CRYBG2: variants seen among roughly 807,000 people sequenced by gnomAD.
The protein encoded by CRYBG2 is beta/gamma crystallin domain-containing protein 2.
In CRYBG2, 106 loss-of-function variants were observed where a neutral mutation model predicts 153.4. The observed-to-expected ratio is 0.69, with a 90% CI of 0.59 to 0.81. CRYBG2 has a LOEUF of 0.81. Among genes scored for constraint, CRYBG2 ranks in the 30% least tolerant of loss-of-function variants. CRYBG2 has a pLI of 0.00. For missense variants in CRYBG2, 1,996 were observed against 2,112.0 expected (o/e 0.95, Z 1.08); for synonymous variants, 851 against 877.8 (o/e 0.97, Z 0.54).
At chr1:26,334,938 AAAAC>A (rs71581057) in intron 14 of CRYBG2, among the ~76,000 whole-genome samples, 38,138 of 151,404 alleles carry the variant, frequency 0.25, 5,090 homozygotes, top group Non-Finnish European at 0.3. Flanking sequence ...ACAAACAAAC[AAAAC>A]AAACAAACAA....
rs375176654 is a variant in CRYBG2, at chr1:26,345,615, T to C, written c.1043A>G (p.Gln348Arg). The change falls in exon 2 of 20, where the codon CAA becomes CGA. Residue 348 changes from glutamine (Q) to arginine (R), a missense_variant. Transcript: ENST00000308182. Reference protein sequence around the residue: ...TELPLQTSQGQASVPSSPRLE... With the variant: ...TELPLQTSQGRASVPSSPRLE... Reference sequence around the variant, plus strand: ...TCTGGGAGAGGAGGGGACTGATGCTTGACCCTGAGAAGTCTGGAGAGGGAG... The same window carrying C: ...TCTGGGAGAGGAGGGGACTGATGCTCGACCCTGAGAAGTCTGGAGAGGGAG... 7.7e-4 allele frequency: 1,237 copies of C among 1,599,880 alleles called. 22 individuals are homozygous for C. In the South Asian group the frequency reaches 0.011, roughly 14 times the overall value.
Position 26,344,685 on chromosome 1 carries a change from G to A in CRYBG2, c.1973C>T (p.Pro658Leu), listed in dbSNP as rs894614085. 2.0e-6 allele frequency: 3 copies of A among 1,532,806 alleles called. No homozygotes were observed. The East Asian group carries it at 7.3e-5, about 38-fold the overall frequency. 95.0% of individuals were successfully genotyped at this position (1,532,806 alleles called of 1,614,324 possible). The change falls in exon 2 of 20, where the codon CCC becomes CTC. Residue 658 changes from proline (P) to leucine (L), a missense_variant. Physicochemically the swap from Pro to Leu is moderately conservative, Grantham distance 98. Coordinates refer to ENST00000308182, the MANE Select transcript of CRYBG2 (RefSeq NM_001039775.4). ...TTGAACAGTCTCTTCCTTGGTGAGG[G>A]GCGGGGCAAGGCTGCCTGCAATACC... is the stretch of plus-strand genomic sequence containing the variant. Reference protein sequence around the residue: ...VQGIAGSLAPPLTKEETVQGP... With the variant: ...VQGIAGSLAPLLTKEETVQGP...
intron 15 of CRYBG2, among the ~76,000 whole-genome samples, chr1:26,329,981 C>T (rs372453942): frequency 5.3e-5 from 8 of 152,284 alleles, no homozygotes; most frequent in Middle Eastern, 6.8e-3. Context: ...ATGATCTGCC[C>T]GCCTTGGCTT....
chr1:26,331,575 T>C lies in CRYBG2; in HGVS notation c.4228A>G (p.Ile1410Val), dbSNP rs767061429. The change falls in exon 15 of 20, where the codon ATT (isoleucine) becomes GTT (valine). Residue 1410 changes from isoleucine to valine, a missense_variant. Coordinates refer to ENST00000308182, the MANE Select transcript of CRYBG2 (RefSeq NM_001039775.4). ...GTGGGGAACTCGCCCTCAGAGAGAA[T>C]GTGCTGGTCACCCTCGAAGTTCGTC... ...DETNFEGDQH[I>V]LSEGEFPTLT... 1 of 1,614,080 alleles carries C rather than the reference T, an allele frequency of 6.2e-7. No homozygotes were observed. Among genetic ancestry groups the C allele is most frequent in the Non-Finnish European group, 8.5e-7 (1 of 1,180,018 alleles).
Position 26,346,496 on chromosome 1 carries a change from CA to C in CRYBG2, c.161del (p.Met54SerfsTer23). The C allele has an allele frequency of 1.9e-6, 3 of 1,612,836 alleles. No individual in the cohort carries two copies. The highest frequency in any genetic ancestry group is 2.5e-6 in the Non-Finnish European group (3 of 1,179,858). On this transcript the variant is annotated frameshift_variant, in exon 2 of 20. Coordinates refer to ENST00000308182, the MANE Select transcript of CRYBG2 (RefSeq NM_001039775.4). LOFTEE classifies it high-confidence loss of function. This position sits in a 1 kb window ranked among gnomAD's most constrained non-coding sequence, Gnocchi z 4.9. The part of the protein sequence containing the change: ...GAQMEAPQKE[M>X]FEFSRREEVE... ...CTTCCTCTCGACGGCTGAACTCAAA[CA>C]TCTCCTTCTGCGGGGCTTCCATCTG...
rs1322133941 is a variant in CRYBG2 at position 26,331,578 on chromosome 1, G to GCTGGTCACC, written c.4216_4224dup (p.Gly1406_Gln1408dup). On this transcript the variant is annotated inframe_insertion, in exon 15 of 20. Transcript: ENST00000308182. ...GGGAACTCGCCCTCAGAGAGAATGT[G>GCTGGTCACC]CTGGTCACCCTCGAAGTTCGTCTCA... The GCTGGTCACC allele has an allele frequency of 6.2e-7, 1 of 1,614,094 alleles. No individual in the cohort carries two copies. The highest frequency in any genetic ancestry group is 1.7e-5 in the Admixed American group (1 of 60,032).
intron 14 of CRYBG2, among the ~76,000 whole-genome samples, chr1:26,334,653 G>C (rs1042635951): frequency 6.6e-6 from 1 of 152,082 alleles, no homozygotes; most frequent in Admixed American, 6.6e-5. Context: ...AGCCAGGCAC[G>C]GTGGCTCATG....
In CRYBG2 at chr1:26,336,651, C is replaced by A; in HGVS notation, c.3993G>T (p.Trp1331Cys). The A allele has an allele frequency of 6.4e-7, 1 of 1,552,094 alleles. No individual in the cohort carries two copies. Among genetic ancestry groups the A allele is most frequent in the Non-Finnish European group, 8.7e-7 (1 of 1,147,484 alleles). ...AGGCGAGGGTGCTGTTGCCAGCGCC[C>A]CAGTCCTCGCAGTTACGATACACGC... ...EKGVYRNCED[W>C]GAGNSTLASL... The change falls in exon 12 of 20, where the codon TGG becomes TGT. Residue 1331 changes from tryptophan to cysteine, a missense_variant. Trp to Cys is a radical substitution (Grantham distance 215). Coordinates refer to ENST00000308182, the MANE Select transcript of CRYBG2 (RefSeq NM_001039775.4). This position sits in a 1 kb window ranked among gnomAD's most constrained non-coding sequence, Gnocchi z 4.9.
intron 17 of CRYBG2, among the ~76,000 whole-genome samples, chr1:26,327,419 G>C (rs1486858699): frequency 6.6e-6 from 1 of 151,900 alleles, no homozygotes; most frequent in Non-Finnish European, 1.5e-5. Context: ...AGTGAGCCGA[G>C]ATCACGCCAT....
At position 26,343,177 on chromosome 1, in the gene CRYBG2, G is replaced by T. The variant is rs1408707632; in HGVS notation, c.2962-18C>A. 1.3e-6 allele frequency: 2 copies of T among 1,550,472 alleles called. No homozygotes were observed. Among genetic ancestry groups the T allele is most frequent in the Non-Finnish European group, 1.7e-6 (2 of 1,146,972 alleles). On this transcript the variant is annotated intron_variant, in intron 3 of 19. Transcript: ENST00000308182. The surrounding 1 kb of genome is among the most constrained non-coding windows in gnomAD (Gnocchi z 4.1). ...AAGATCACCTGAGAAGGCACAGAAG[G>T]GGTCCTCAGGCCCTGACCCCAGGCC... is the stretch of plus-strand genomic sequence containing the variant.
intron 1 of CRYBG2, among the ~76,000 whole-genome samples, chr1:26,348,570 T>C (rs1270975338): frequency 1.3e-5 from 2 of 152,130 alleles, no homozygotes; most frequent in Non-Finnish European, 2.9e-5. Context: ...TATCATTATT[T>C]TTTGAGACAG....
chr1:26,337,235 C>A lies in CRYBG2; in HGVS notation c.3771+18G>T. On this transcript the variant is annotated intron_variant, in intron 10 of 19. Coordinates refer to ENST00000308182, the MANE Select transcript of CRYBG2 (RefSeq NM_001039775.4). ...CTGTGGCCAGAGGCAGAGGGATGGGCCAATTGCCTTTGCTTACCGTCCGGA... is the reference window on the plus strand; with the variant it reads ...CTGTGGCCAGAGGCAGAGGGATGGGACAATTGCCTTTGCTTACCGTCCGGA... The A allele has an allele frequency of 6.2e-7, 1 of 1,613,538 alleles. No individual in the cohort carries two copies. The highest frequency in any genetic ancestry group is 8.5e-7 in the Non-Finnish European group (1 of 1,179,724).
At position 26,322,213 on chromosome 1, in the gene CRYBG2, C is replaced by T. The variant is rs752775261; in HGVS notation, c.4848G>A (p.Ser1616=). 14 of 1,614,186 alleles carry T rather than the reference C, an allele frequency of 8.7e-6. No homozygotes were observed. The Admixed American group carries it at 1.0e-4, about 12-fold the overall frequency. Residue 1616 remains serine, a synonymous_variant, in exon 19 of 20, where the codon TCG becomes TCA. Transcript: ENST00000308182. ...CGAACATCTGGCTGCAGATGTGGCCCGATTCACTGATGCTCCACGTCTGGC... is the reference window on the plus strand; with the variant it reads ...CGAACATCTGGCTGCAGATGTGGCCTGATTCACTGATGCTCCACGTCTGGC... ...LPRQTWSISE[S]GHICSQMFEG... is the part of the protein sequence containing the mutation.
chr1:26,337,824 A>ACTCTGAC (rs1203677516), intron 8 of CRYBG2, 150 bp from the exon 9 acceptor site: 3 of 1,315,808 alleles, frequency 2.3e-6, no homozygotes, highest in Admixed American at 4.6e-5. Flanking sequence ...TCCTATCTCT[A>ACTCTGAC]CTCTGACCTC....
Position 26,346,483 on chromosome 1 carries a change from G to C in CRYBG2, c.175C>G (p.Arg59Gly), listed in dbSNP as rs373673197. 1 of 1,611,278 alleles carries C rather than the reference G, an allele frequency of 6.2e-7. No homozygotes were observed. The highest frequency in any genetic ancestry group is 8.5e-7 in the Non-Finnish European group (1 of 1,179,810). Residue 59 changes from arginine (R) to glycine (G), a missense_variant, in exon 2 of 20, where the codon CGT becomes GGT. Physicochemically the swap from Arg to Gly is moderately radical, Grantham distance 125 (BLOSUM62 -2). Coordinates refer to ENST00000308182, the MANE Select transcript of CRYBG2 (RefSeq NM_001039775.4). The surrounding 1 kb of genome is among the most constrained non-coding windows in gnomAD (Gnocchi z 4.9). ...APQKEMFEFS[R>G]REEVEVNGFA... ...CCATTGACTTCCACTTCCTCTCGAC[G>C]GCTGAACTCAAACATCTCCTTCTGC...
At chr1:26,322,096 A>T (rs1209912042) in intron 19 of CRYBG2, 40 bp from the exon 20 acceptor site, 13 of 1,598,854 alleles carry the variant, frequency 8.1e-6, no homozygotes, top group Non-Finnish European at 1.1e-5. Flanking sequence ...GGAGATAGTC[A>T]GAGAGAGCTG....
rs373093083 is a variant in CRYBG2 at position 26,328,395 on chromosome 1, G to A, written c.4455-63C>T. On this transcript the variant is annotated intron_variant, in intron 16 of 19. Transcript: ENST00000308182. ...CAGACACACAGACAGACAGACAGGT[G>A]GAGGAGGAGACACAGACGTCAAAAC... 5 of 1,536,288 alleles carry A rather than the reference G, an allele frequency of 3.3e-6. No individual in the cohort carries two copies. In the Admixed American group the frequency reaches 9.8e-5, roughly 30 times the overall value.
chr1:26,338,351 C>G lies in CRYBG2; in HGVS notation c.3471G>C (p.Leu1157Phe). 2 of 1,598,472 alleles carry G rather than the reference C, an allele frequency of 1.3e-6. No homozygotes were observed. The highest frequency in any genetic ancestry group is 1.7e-6 in the Non-Finnish European group (2 of 1,173,656). Reference protein sequence around the residue: ...PSVGSLKPMRLGCPSVEKPGE... With the variant: ...PSVGSLKPMRFGCPSVEKPGE... ...CCTGTGGGTGTGCCCTGTTCTTTACCAATCTCATGGGCTTCAGGGAGCCCA... is the reference window on the plus strand; with the variant it reads ...CCTGTGGGTGTGCCCTGTTCTTTACGAATCTCATGGGCTTCAGGGAGCCCA... The change falls in exon 7 of 20, where the codon TTG becomes TTC. Residue 1157 changes from leucine (L) to phenylalanine (F), a missense_variant and splice_region_variant. Leu to Phe is a conservative substitution (Grantham distance 22). Coordinates refer to ENST00000308182, the MANE Select transcript of CRYBG2 (RefSeq NM_001039775.4).
At chr1:26,326,134 C>T (rs2073922482) in intron 17 of CRYBG2, among the ~76,000 whole-genome samples, 1 of 152,098 alleles carries the variant, frequency 6.6e-6, no homozygotes, top group Non-Finnish European at 1.5e-5. Context: ...TCAAGCAACC[C>T]TCCCTCCTCG....
Sources: gnomAD v4.1 joint callset for allele counts (sites outside exome capture counted in the v4.1 genomes callset) on GRCh38, gnomAD v4.1.1 for gene constraint, Gnocchi (gnomAD v3.1) non-coding constraint, MANE v1.5 for transcripts, NCBI Gene and HGNC (gene_info 2026-07-23, HGNC 2026-07-21) for gene names.